PRKAR1B: variants seen among roughly 807,000 people sequenced by gnomAD.
PRKAR1B encodes the protein protein kinase cAMP-dependent type I regulatory subunit beta.
PRKAR1B carries 22 observed loss-of-function variants against 46.5 expected under a neutral mutation model. The observed-to-expected ratio is 0.47, with a 90% CI of 0.34 to 0.68. PRKAR1B has a LOEUF of 0.68. Among genes scored for constraint, PRKAR1B ranks in the 30% least tolerant of loss-of-function variants. The pLI, the probability that PRKAR1B is intolerant of heterozygous loss-of-function variation, is 0.01. For missense variants in PRKAR1B, 445 were observed against 535.6 expected (o/e 0.83, Z 1.67); for synonymous variants, 259 against 217.7 (o/e 1.19, Z -1.67).
chr7:590,043 C>G (rs184330671), intron 7 of PRKAR1B, among the ~76,000 whole-genome samples: 1 of 152,250 alleles, frequency 6.6e-6, no homozygotes, highest in African/African-American at 2.4e-5. Context: ...CTCAACACCA[C>G]GCAGAGAGAA....
rs186999409 is a variant in PRKAR1B at position 639,787 on chromosome 7, G to A, written c.441-32335C>T. Among the ~76,000 whole-genome samples the A allele has an allele frequency of 1.7e-4, 26 of 152,130 alleles. No homozygotes were observed. The East Asian group carries it at 2.5e-3, about 15-fold the overall frequency. On this transcript the variant is annotated intron_variant, in intron 4 of 10. Transcript: ENST00000537384. ...GAGAACTGCTCGAGCCCAGGAATTCGAGGCTGCGGTGAGCCATGATCATCG... is the reference window on the plus strand; with the variant it reads ...GAGAACTGCTCGAGCCCAGGAATTCAAGGCTGCGGTGAGCCATGATCATCG...
chr7:596,850 G>A (rs984032285), intron 6 of PRKAR1B, among the ~76,000 whole-genome samples: 1 of 152,260 alleles, frequency 6.6e-6, no homozygotes, highest in African/African-American at 2.4e-5. Context: ...GGCCTCAAGT[G>A]CAGACCTCTC....
At chr7:564,712 C>T (rs1000139067) in intron 9 of PRKAR1B, among the ~76,000 whole-genome samples, 8 of 152,218 alleles carry the variant, frequency 5.3e-5, no homozygotes, top group African/African-American at 9.6e-5. Context: ...ATCTATAAAT[C>T]CTCACAGCTC....
chr7:636,074 G>A (rs1199163779), intron 4 of PRKAR1B, among the ~76,000 whole-genome samples: 7 of 19,938 alleles, frequency 3.5e-4, no homozygotes, highest in East Asian at 1.7e-3. Context: ...GTCCTCCACC[G>A]GCCGCGCCCT....
intron 2 of PRKAR1B, among the ~76,000 whole-genome samples, chr7:703,534 T>C (rs1336598490): frequency 2.0e-5 from 3 of 151,884 alleles, no homozygotes; most frequent in Admixed American, 1.3e-4. Context: ...CAGACGCCTG[T>C]AGTCCCAGCT....
intron 4 of PRKAR1B, among the ~76,000 whole-genome samples, chr7:658,843 G>A (rs538768470): frequency 6.6e-6 from 1 of 152,132 alleles, no homozygotes; most frequent in African/African-American, 2.4e-5. Context: ...TAGAGACAGG[G>A]TTTTGTCATG....
In PRKAR1B at chr7:593,361, C is replaced by T. The variant is rs191644847; in HGVS notation, c.708+2785G>A. ...AGGAGCTGTGTGAGGAGCTCGGGGC[C>T]AATACAGAAACAGACACCATCCTGC... On this transcript the variant is annotated intron_variant, in intron 7 of 10. Transcript: ENST00000537384. This position sits in a 1 kb window ranked among gnomAD's most constrained non-coding sequence, Gnocchi z 6.1. Among the ~76,000 whole-genome samples, 77 of 152,240 alleles carry T rather than the reference C, an allele frequency of 5.1e-4. 1 individual carries two copies. The East Asian group carries it at 0.01, about 20-fold the overall frequency.
chr7:683,741 C>T (rs1190113504), intron 2 of PRKAR1B, among the ~76,000 whole-genome samples: 1 of 152,358 alleles, frequency 6.6e-6, no homozygotes, highest in East Asian at 1.9e-4. Context: ...CCACTCCTGG[C>T]CCACCTGCCA....
chr7:659,440 C>A (rs1785384764), intron 4 of PRKAR1B, among the ~76,000 whole-genome samples: 1 of 152,150 alleles, frequency 6.6e-6, no homozygotes, highest in African/African-American at 2.4e-5. Flanking sequence ...ACCGAAGTGA[C>A]CACGAAAGGG....
intron 8 of PRKAR1B, among the ~76,000 whole-genome samples, chr7:583,087 G>C (rs1780292194): frequency 6.6e-6 from 1 of 152,046 alleles, no homozygotes; most frequent in African/African-American, 2.4e-5. Context: ...ACGGCTCACA[G>C]GGACGGGGCT....
intron 4 of PRKAR1B, among the ~76,000 whole-genome samples, chr7:638,030 C>A (rs549545090): frequency 6.6e-6 from 1 of 152,162 alleles, no homozygotes; most frequent in Non-Finnish European, 1.5e-5. Context: ...CATCCTGCCC[C>A]GCCGGCGGAG....
At chr7:636,305 TCCTCCACCGGCCGC>T (rs1784072856) in intron 4 of PRKAR1B, among the ~76,000 whole-genome samples, 8 of 8,508 alleles carry the variant, frequency 9.4e-4, no homozygotes, top group South Asian at 3.8e-3. Flanking sequence ...CGCCCTCACG[TCCTCCACCGGCCGC>T]GCCCACACGT....
At chr7:583,067 A>T (rs1019431823) in intron 8 of PRKAR1B, among the ~76,000 whole-genome samples, 2 of 151,356 alleles carry the variant, frequency 1.3e-5, no homozygotes, top group Admixed American at 1.3e-4. Context: ...CCGGGAGGGC[A>T]GGGGGGGTGA....
At chr7:721,673 G>A (rs1781076939) in intron 1 of PRKAR1B, among the ~76,000 whole-genome samples, 1 of 151,928 alleles carries the variant, frequency 6.6e-6, no homozygotes, top group Non-Finnish European at 1.5e-5. Flanking sequence ...TTACCTTTCT[G>A]TTTACAGGGT....
rs139422144 is a variant in PRKAR1B at position 650,326 on chromosome 7, C to T, written c.440+26903G>A. On this transcript the variant is annotated intron_variant, in intron 4 of 10. Coordinates refer to ENST00000537384, the MANE Select transcript of PRKAR1B (RefSeq NM_001164760.2). ...TCTGCATCCCAAGGGTCTGTGTGCC[C>T]TGCTGGAAAACCACAGCCCCCAGAG... Among the ~76,000 whole-genome samples the T allele has an allele frequency of 2.0e-3, 299 of 152,280 alleles. 2 individuals are homozygous for T. The highest frequency in any genetic ancestry group is 6.9e-3 in the African/African-American group (287 of 41,552).
intron 2 of PRKAR1B, among the ~76,000 whole-genome samples, chr7:699,467 TA>T (rs1377125251): frequency 6.6e-6 from 1 of 152,024 alleles, no homozygotes; most frequent in Non-Finnish European, 1.5e-5. Flanking sequence ...AGTGGGCAGT[TA>T]CCCCCTCAGT....
chr7:657,286 T>TGGAC (rs1206535604), intron 4 of PRKAR1B, among the ~76,000 whole-genome samples: 2 of 149,844 alleles, frequency 1.3e-5, no homozygotes, highest in Non-Finnish European at 3.0e-5. Context: ...GATGGATGGA[T>TGGAC]GGATGGATGG....
chr7:669,816 C>A (rs1786126981), intron 4 of PRKAR1B, among the ~76,000 whole-genome samples: 1 of 150,444 alleles, frequency 6.6e-6, no homozygotes, highest in Admixed American at 6.7e-5. Context: ...ATATTTGCCA[C>A]AATGAAAACA....
rs28410779 is a variant in PRKAR1B, at chr7:593,543, G to T, written c.708+2603C>A. 0.12 allele frequency among the ~76,000 whole-genome samples: 18,465 copies of T among 152,156 alleles called. 1,385 individuals carry two copies. Among genetic ancestry groups the T allele is most frequent in the Non-Finnish European group, 0.16 (10,613 of 67,968 alleles). ...AAAATCCCCCAGCCGGGAGCGACAGGGCGTCAAGGATGGTGGGGAAACGGC... is the reference window on the plus strand; with the variant it reads ...AAAATCCCCCAGCCGGGAGCGACAGTGCGTCAAGGATGGTGGGGAAACGGC... On this transcript the variant is annotated intron_variant, in intron 7 of 10. Coordinates refer to ENST00000537384, the MANE Select transcript of PRKAR1B (RefSeq NM_001164760.2). The surrounding 1 kb of genome is among the most constrained non-coding windows in gnomAD (Gnocchi z 6.1).
Sources: allele counts gnomAD v4.1 joint callset (sites outside exome capture counted in the v4.1 genomes callset), GRCh38; gene constraint gnomAD v4.1.1; non-coding constraint Gnocchi (gnomAD v3.1); transcripts MANE v1.5; gene names NCBI Gene and HGNC (gene_info 2026-07-23, HGNC 2026-07-21).